CTNNA3: variants seen among roughly 807,000 people sequenced by gnomAD.
CTNNA3 encodes the protein catenin alpha-3.
CTNNA3 carries 76 observed loss-of-function variants against 95.7 expected under a neutral mutation model. That is an observed-to-expected ratio of 0.79 (90% CI 0.66 to 0.96). The LOEUF (loss-of-function observed/expected upper bound fraction) is 0.96, where lower values mean the gene tolerates loss of function less well. CTNNA3 is among the 40% of genes least tolerant of loss of function. The probability of loss-of-function intolerance (pLI) is 0.00; values close to 1 mark genes in which losing one functional copy is unlikely to be tolerated. For synonymous variants in CTNNA3, 431 were observed against 374.4 expected, an observed-to-expected ratio of 1.15 and a Z score of -1.74; for missense variants, 1,191 against 1,089.8, an observed-to-expected ratio of 1.09 and a Z score of -1.31.
chr10:67,500,356 G>A (rs1839189900), intron 5 of CTNNA3, among the ~76,000 whole-genome samples: 1 of 152,116 alleles, frequency 6.6e-6, no homozygotes, highest in Non-Finnish European at 1.5e-5. Flanking sequence ...CCAATTATGT[G>A]GTCAATTTTA....
intron 3 of CTNNA3, among the ~76,000 whole-genome samples, chr10:67,556,187 T>G (rs968544853): frequency 2.6e-5 from 4 of 152,214 alleles, no homozygotes; most frequent in Non-Finnish European, 5.9e-5. Context: ...TGCATCGATG[T>G]TCATCAGGGT....
At chr10:66,272,550 G>A (rs1021016022) in intron 13 of CTNNA3, among the ~76,000 whole-genome samples, 14 of 152,072 alleles carry the variant, frequency 9.2e-5, no homozygotes, top group Non-Finnish European at 1.6e-4. Flanking sequence ...GGGAACTGTC[G>A]CCCTGTGGGT....
intron 1 of CTNNA3, among the ~76,000 whole-genome samples, chr10:67,712,662 C>A (rs1841118529): frequency 6.6e-6 from 1 of 152,194 alleles, no homozygotes; most frequent in Admixed American, 6.5e-5. Context: ...GGTTTGGGAC[C>A]TGACAAAAAC....
chr10:66,150,261 C>G (rs2084128367), intron 13 of CTNNA3, among the ~76,000 whole-genome samples: 1 of 152,150 alleles, frequency 6.6e-6, no homozygotes, highest in Non-Finnish European at 1.5e-5. Flanking sequence ...CACAAGCTCT[C>G]TTTGCCTGGC....
At chr10:67,177,632 G>C (rs1212034461) in intron 7 of CTNNA3, among the ~76,000 whole-genome samples, 6 of 152,182 alleles carry the variant, frequency 3.9e-5, no homozygotes, top group Non-Finnish European at 8.8e-5. Context: ...CCAAGTCTTT[G>C]AGCAAACGGT....
chr10:67,595,974 G>A (rs570701660), intron 3 of CTNNA3, among the ~76,000 whole-genome samples: 54 of 152,078 alleles, frequency 3.6e-4, no homozygotes, highest in Non-Finnish European at 7.5e-4. Flanking sequence ...TTTTCCATTT[G>A]CTTGGTAAAT....
At chr10:65,929,208 T>C (rs2077213209) in intron 17 of CTNNA3, among the ~76,000 whole-genome samples, 1 of 152,198 alleles carries the variant, frequency 6.6e-6, no homozygotes. Flanking sequence ...CATGAACTCA[T>C]CATTTTTTGT....
rs1860114506 is a variant in CTNNA3, at chr10:67,133,306, G to GATAGATATATATATATAT, written c.1047+47010_1047+47011insATATATATATATATCTAT. Among the ~76,000 whole-genome samples the GATAGATATATATATATAT allele has an allele frequency of 3.1e-5, 3 of 97,688 alleles. 1 individual carries two copies. The South Asian group carries it at 1.1e-3, about 36-fold the overall frequency. 64.1% of individuals were successfully genotyped at this position (97,688 alleles called of 152,430 possible). On this transcript the variant is annotated intron_variant, in intron 7 of 17. Coordinates refer to ENST00000433211, the MANE Select transcript of CTNNA3 (RefSeq NM_013266.4). Reference sequence around the variant, plus strand: ...TAGCCTTAGCTAGAGCATATTGCCTGATATATATATATATATATTTATACA... The same window carrying GATAGATATATATATATAT: ...TAGCCTTAGCTAGAGCATATTGCCTGATAGATATATATATATATATATATATATATATATATTTATACA...
At chr10:66,825,104 G>A (rs1032252672) in intron 7 of CTNNA3, among the ~76,000 whole-genome samples, 2 of 150,808 alleles carry the variant, frequency 1.3e-5, no homozygotes, top group African/African-American at 4.9e-5. Context: ...GCCAGAGTGT[G>A]CCCTTACAAA....
chr10:67,090,003 G>A (rs1189736497), intron 7 of CTNNA3, among the ~76,000 whole-genome samples: 1 of 151,956 alleles, frequency 6.6e-6, no homozygotes, highest in East Asian at 1.9e-4. Flanking sequence ...TCAAACTACA[G>A]ATTAATTCAA....
chr10:67,703,533 T>A (rs1841058089), intron 1 of CTNNA3, among the ~76,000 whole-genome samples: 1 of 152,328 alleles, frequency 6.6e-6, no homozygotes, highest in South Asian at 2.1e-4. Flanking sequence ...ACCACATGAT[T>A]ATCTCAATAG....
chr10:66,152,560 TAATC>T (rs1242831061), intron 13 of CTNNA3, among the ~76,000 whole-genome samples: 2 of 151,974 alleles, frequency 1.3e-5, no homozygotes, highest in African/African-American at 2.4e-5. Context: ...TTATAGACAT[TAATC>T]AAAGTCTAAT....
intron 6 of CTNNA3, among the ~76,000 whole-genome samples, chr10:67,187,217 CT>C (rs1413250671): frequency 6.6e-6 from 1 of 152,136 alleles, no homozygotes; most frequent in Admixed American, 6.5e-5. Flanking sequence ...TGCAATGCTG[CT>C]TTTGTTATCT....
At chr10:67,623,630 A>G (rs916782221) in intron 2 of CTNNA3, among the ~76,000 whole-genome samples, 14 of 152,070 alleles carry the variant, frequency 9.2e-5, no homozygotes, top group Non-Finnish European at 2.1e-4. Context: ...TTTCATAGGA[A>G]TTGTGTGTGA....
chr10:66,836,658 T>C (rs1842896942), intron 7 of CTNNA3, among the ~76,000 whole-genome samples: 1 of 152,156 alleles, frequency 6.6e-6, no homozygotes, highest in South Asian at 2.1e-4. Flanking sequence ...AAACCCACTA[T>C]GTGGCATGTA....
intron 5 of CTNNA3, among the ~76,000 whole-genome samples, chr10:67,386,043 T>C (rs936426469): frequency 6.6e-6 from 1 of 152,168 alleles, no homozygotes; most frequent in Non-Finnish European, 1.5e-5. Flanking sequence ...GTTTCGAGCA[T>C]CTAAAAATGA....
intron 7 of CTNNA3, among the ~76,000 whole-genome samples, chr10:66,850,913 ACAAT>A (rs1843460781): frequency 6.6e-6 from 1 of 152,176 alleles, no homozygotes; most frequent in Non-Finnish European, 1.5e-5. Flanking sequence ...CATTGTAGCA[ACAAT>A]CAATCAGTTA....
At chr10:66,311,179 C>A (rs1010316503) in intron 12 of CTNNA3, among the ~76,000 whole-genome samples, 1 of 152,094 alleles carries the variant, frequency 6.6e-6, no homozygotes, top group Non-Finnish European at 1.5e-5. Context: ...GTGGAGAGCA[C>A]GTCACTAATT....
chr10:66,273,151 G>A (rs1240541411), intron 13 of CTNNA3, among the ~76,000 whole-genome samples: 1 of 152,032 alleles, frequency 6.6e-6, no homozygotes, highest in African/African-American at 2.4e-5. Flanking sequence ...CTTAAAGGAA[G>A]CACTTTACAG....
Sources: gnomAD v4.1 joint callset for allele counts (sites outside exome capture counted in the v4.1 genomes callset) on GRCh38, gnomAD v4.1.1 for gene constraint, MANE v1.5 for transcripts, NCBI Gene and HGNC (gene_info 2026-07-23, HGNC 2026-07-21) for gene names.